Variants in PANK2 observed in about 807,000 individuals in gnomAD.
The protein encoded by PANK2 is pantothenate kinase 2, mitochondrial.
Under a neutral mutation model 43.1 loss-of-function variants are expected in PANK2, and 36 were observed. That is an observed-to-expected ratio of 0.84 (90% confidence interval 0.64 to 1.10). The LOEUF is 1.10. Ranked by LOEUF, PANK2 falls within the 50% of genes least tolerant of loss-of-function variation. The pLI, the probability that PANK2 is intolerant of heterozygous loss-of-function variation, is 0.00. For missense variants in PANK2, 576 were observed against 593.3 expected (o/e 0.97, Z 0.30); for synonymous variants, 281 against 238.2 (o/e 1.18, Z -1.66).
intron 1 of PANK2, among the ~76,000 whole-genome samples, chr20:3,896,355 A>C (rs2090208905): frequency 6.6e-6 from 1 of 151,546 alleles, no homozygotes; most frequent in African/African-American, 2.4e-5. Context: ...TGGGATTACA[A>C]GCGTGAGCCA....
intron 1 of PANK2, chr20:3,901,489 C>A: frequency 2.1e-6 from 1 of 465,754 alleles, no homozygotes; most frequent in Non-Finnish European, 2.8e-6. Flanking sequence ...TAAACTATCA[C>A]TTCTATATTC....
rs11468265 is a variant in PANK2 at position 3,902,972 on chromosome 20, G to GACACACACACACACAC, written c.299-4923_299-4908dup. ...CCATGAGTTTCGACAGATGTGTATA[G>GACACACACACACACAC]ACACACACACACACACACACACACA... On this transcript the variant is annotated intron_variant, in intron 1 of 6. Coordinates refer to ENST00000610179, the MANE Select transcript of PANK2 (RefSeq NM_001386393.1). Among the ~76,000 whole-genome samples, 206 of 141,422 alleles carry GACACACACACACACAC rather than the reference G, an allele frequency of 1.5e-3. 1 individual carries two copies. Among genetic ancestry groups the GACACACACACACACAC allele is most frequent in the African/African-American group, 4.8e-3 (179 of 37,430 alleles). 92.8% of individuals were successfully genotyped at this position (141,422 alleles called of 152,430 possible).
At chr20:3,909,299 C>T (rs2090433362) in intron 2 of PANK2, among the ~76,000 whole-genome samples, 1 of 152,078 alleles carries the variant, frequency 6.6e-6, no homozygotes. Flanking sequence ...AGGCTGGTCT[C>T]GAACTCCTGA....
intron 1 of PANK2, among the ~76,000 whole-genome samples, chr20:3,902,276 C>T (rs763196546): frequency 2.8e-4 from 43 of 151,478 alleles, no homozygotes; most frequent in Non-Finnish European, 4.9e-4. Flanking sequence ...AAGCTATCCT[C>T]TCACTTCAGC....
chr20:3,894,602 G>T (rs899951566), intron 1 of PANK2, among the ~76,000 whole-genome samples: 1 of 145,390 alleles, frequency 6.9e-6, no homozygotes, highest in African/African-American at 2.6e-5. Flanking sequence ...TTATTGAGAC[G>T]AAGTCTTACT....
chr20:3,923,170 C>A, intron 6 of PANK2, 74 bp from the exon 7 acceptor site: 1 of 1,535,262 alleles, frequency 6.5e-7, no homozygotes, highest in Non-Finnish European at 9.0e-7. Flanking sequence ...GGCTTTAACA[C>A]TAGTCATCAT....
intron 1 of PANK2, among the ~76,000 whole-genome samples, chr20:3,890,468 G>T (rs2090104239): frequency 1.3e-5 from 2 of 152,214 alleles, no homozygotes; most frequent in Non-Finnish European, 2.9e-5. Flanking sequence ...TTCTTTTTCT[G>T]TGTTGTGTAT....
At chr20:3,896,849 A>G (rs762805056) in intron 1 of PANK2, among the ~76,000 whole-genome samples, 31 of 152,162 alleles carry the variant, frequency 2.0e-4, no homozygotes, top group Admixed American at 1.3e-4. Flanking sequence ...ATAAACCAGT[A>G]AATGTGTTTC....
chr20:3,929,626 C>G lies in PANK2; in HGVS notation c.*6332C>G, dbSNP rs1445310186. The stretch of plus-strand genomic sequence containing the variant: ...CATCACCACTGGTCCTCACTTGGAA[C>G]TGGCCAAGGTAGGGGAGGGGCCAGC... On this transcript the variant is annotated 3_prime_UTR_variant, in exon 7 of 7. Transcript: ENST00000610179. 5 of 152,474 alleles carry G rather than the reference C, an allele frequency of 3.3e-5. No homozygotes were observed. The highest frequency in any genetic ancestry group is 7.3e-5 in the Non-Finnish European group (5 of 68,216). The allele number at this position is 152,474 out of a possible 1,614,324, so 9.4% of individuals were successfully genotyped here.
At chr20:3,891,479 G>A (rs1173123049) in intron 1 of PANK2, 1 of 152,182 alleles carries the variant, frequency 6.6e-6, no homozygotes, top group African/African-American at 2.4e-5. Context: ...AATGGCTAGT[G>A]CGTTGTGAAA....
intron 1 of PANK2, among the ~76,000 whole-genome samples, chr20:3,902,414 C>G (rs762461914): frequency 3.3e-5 from 5 of 151,666 alleles, no homozygotes; most frequent in Non-Finnish European, 7.4e-5. Flanking sequence ...ACTGCGACTT[C>G]CACCTCCCAG....
chr20:3,914,808 C>T (rs2090532243), intron 4 of PANK2, among the ~76,000 whole-genome samples: 1 of 151,448 alleles, frequency 6.6e-6, no homozygotes, highest in Non-Finnish European at 1.5e-5. Flanking sequence ...TGGGGTTTGG[C>T]CATGTTGGCC....
intron 1 of PANK2, among the ~76,000 whole-genome samples, chr20:3,904,661 G>A (rs2090357300): frequency 6.6e-6 from 1 of 152,112 alleles, no homozygotes; most frequent in Non-Finnish European, 1.5e-5. Flanking sequence ...TAATTTTATC[G>A]TGTTAATTTT....
intron 4 of PANK2, among the ~76,000 whole-genome samples, chr20:3,913,380 T>G (rs911487731): frequency 2.0e-5 from 3 of 151,974 alleles, no homozygotes; most frequent in Admixed American, 6.6e-5. Context: ...TTTTACTCTT[T>G]TTGCCCAGGC....
intron 4 of PANK2, 126 bp from the exon 5 acceptor site, chr20:3,916,801 A>G (rs1468762102): frequency 2.9e-5 from 40 of 1,374,868 alleles, no homozygotes; most frequent in East Asian, 5.0e-5. Context: ...ATTGCAAAAT[A>G]AAAGGTTTGA....
At chr20:3,919,763 T>A (rs562736085) in intron 6 of PANK2, among the ~76,000 whole-genome samples, 2 of 152,350 alleles carry the variant, frequency 1.3e-5, no homozygotes, top group South Asian at 4.1e-4. Context: ...TAGATACTGT[T>A]ATTATGAACA....
At chr20:3,899,545 C>T (rs188743036) in intron 1 of PANK2, among the ~76,000 whole-genome samples, 130 of 150,682 alleles carry the variant, frequency 8.6e-4, no homozygotes, top group Middle Eastern at 3.4e-3. Flanking sequence ...TTAAAATTCT[C>T]TTTCTACCAT....
rs771071114 is a variant in PANK2, at chr20:3,912,541, G to T, written c.989G>T (p.Arg330Leu). The T allele has an allele frequency of 6.2e-7, 1 of 1,614,020 alleles. No individual in the cohort carries two copies. The highest frequency in any genetic ancestry group is 1.7e-5 in the Admixed American group (1 of 59,998). ...GAAGAAGCTCTTGAAATGGCATCTC[G>T]TGGAGATAGCACCAAAGTGGATAAA... Residue 330 changes from arginine to leucine, a missense_variant, in exon 4 of 7, where the codon CGT (arginine) becomes CTT (leucine). Around this residue, in one of 2 missense-constraint regions of PANK2, gnomAD observed 544 missense variants for 528.9 expected, o/e 1.03. Coordinates refer to ENST00000610179, the MANE Select transcript of PANK2 (RefSeq NM_001386393.1).
chr20:3,915,005 T>A (rs781607437), intron 4 of PANK2, among the ~76,000 whole-genome samples: 1 of 152,214 alleles, frequency 6.6e-6, no homozygotes, highest in Non-Finnish European at 1.5e-5. Context: ...GGATTGTCTT[T>A]TTATTATTGA....
Sources: gnomAD v4.1 joint callset for allele counts (sites outside exome capture counted in the v4.1 genomes callset) on GRCh38, gnomAD v4.1.1 for gene constraint, gnomAD v4.1.1 regional missense constraint, MANE v1.5 for transcripts, NCBI Gene and HGNC (gene_info 2026-07-23, HGNC 2026-07-21) for gene names.